The following TUBB8B variants were observed in gnomAD, a reference collection of about 807,000 sequenced individuals.
TUBB8B encodes the protein tubulin beta 8B.
A neutral mutation model predicts 31.9 loss-of-function variants in TUBB8B; 26 were observed. The ratio of observed to expected loss-of-function variants is 0.81; its 90% CI spans 0.60 to 1.13. The LOEUF is 1.13. Among genes scored for constraint, TUBB8B ranks in the 50% most tolerant of loss-of-function variants. The pLI is 0.00. For synonymous variants in TUBB8B, 173 were observed against 231.0 expected (o/e 0.75, Z 2.28); for missense variants, 467 against 586.7 (o/e 0.80, Z 2.11).
chr18:67,407 A>G, the TUBB8B span, among the ~76,000 whole-genome samples: 1 of 152,300 alleles, frequency 6.6e-6, no homozygotes, highest in African/African-American at 2.4e-5. Context: ...CAGTGCCACA[A>G]TCCTAGCTCT....
At chr18:50,009 A>G (rs1906010682), upstream of TUBB8B, 2 of 423,656 alleles carry the variant, frequency 4.7e-6, no homozygotes, top group Admixed American at 2.6e-5. Context: ...GGCCTTCCAT[A>G]TGTTAACTCA....
At chr18:73,528 C>T in the TUBB8B span, 1 of 152,878 alleles carries the variant, frequency 6.5e-6, no homozygotes, top group Non-Finnish European at 1.5e-5. Flanking sequence ...GCGCGCGCCG[C>T]CCTCCGGGTT....
At chr18:66,576 C>T in the TUBB8B span, among the ~76,000 whole-genome samples, 4 of 152,044 alleles carry the variant, frequency 2.6e-5, no homozygotes, top group Admixed American at 6.6e-5. Flanking sequence ...AAAGCAATTG[C>T]TCATAGAAAT....
chr18:61,390 T>C, the TUBB8B span, among the ~76,000 whole-genome samples: 1 of 151,632 alleles, frequency 6.6e-6, no homozygotes, highest in Non-Finnish European at 1.5e-5. Flanking sequence ...GTCTTGCTTC[T>C]CTATCCATTC....
chr18:71,500 T>C, the TUBB8B span, among the ~76,000 whole-genome samples: 13 of 141,400 alleles, frequency 9.2e-5, no homozygotes, highest in African/African-American at 3.5e-4. Context: ...CGAGCGAAGA[T>C]TGGGACATTG....
the TUBB8B span, among the ~76,000 whole-genome samples, chr18:67,899 G>A: frequency 6.6e-6 from 1 of 151,902 alleles, no homozygotes; most frequent in Admixed American, 6.6e-5. Context: ...AAGACTGATG[G>A]GACACCTGCA....
the TUBB8B span, among the ~76,000 whole-genome samples, chr18:60,263 G>A: frequency 6.6e-6 from 1 of 151,486 alleles, no homozygotes; most frequent in African/African-American, 2.4e-5. Flanking sequence ...CTAATTTGTT[G>A]GCATACAATT....
chr18:71,864 C>A, the TUBB8B span, among the ~76,000 whole-genome samples: 1 of 151,238 alleles, frequency 6.6e-6, no homozygotes, highest in African/African-American at 2.4e-5. Context: ...GCCTGGGCAA[C>A]AAAGTAAGAC....
the TUBB8B span, among the ~76,000 whole-genome samples, chr18:63,755 GCCCTAACCCTAA>G: frequency 9.2e-6 from 1 of 108,334 alleles, no homozygotes; most frequent in Admixed American, 1.0e-4. Context: ...CCTAACCCTA[GCCCTAACCCTAA>G]CCCTAGCCCT....
In TUBB8B at chr18:47,542, G is replaced by C. The variant is rs573450046; in HGVS notation, c.1183C>G (p.Leu395Val). The change falls in exon 4 of 4, where the codon CTC becomes GTC. Residue 395 changes from leucine to valine, a missense_variant. Physicochemically the swap from Leu to Val is conservative, Grantham distance 32 (BLOSUM62 1). This residue lies in a region of TUBB8B where 208 missense variants were observed against 206.7 expected (regional missense o/e 1.01). Transcript: ENST00000308911. ...FTAMFRRKAF[L>V]HWYTGEGMDE... ...ATGCCCTCGCCCGTGTACCAGTGGA[G>C]GAAGGCCTTGCGCCTGAACATTGCT... The C allele has an allele frequency of 4.3e-4, 687 of 1,609,984 alleles. 16 individuals carry two copies. Among genetic ancestry groups the C allele is most frequent in the South Asian group, 1.1e-3 (103 of 90,948 alleles).
At chr18:65,373 A>G in the TUBB8B span, among the ~76,000 whole-genome samples, 2 of 152,206 alleles carry the variant, frequency 1.3e-5, no homozygotes, top group African/African-American at 4.8e-5. Flanking sequence ...TGAGGATTAC[A>G]CAACATGATC....
the TUBB8B span, among the ~76,000 whole-genome samples, chr18:55,236 G>T: frequency 1.3e-5 from 2 of 151,700 alleles, no homozygotes; most frequent in Admixed American, 1.3e-4. Flanking sequence ...GAGTAGCCGG[G>T]ATTACAGGCA....
At position 47,589 on chromosome 18, in the gene TUBB8B, G is replaced by A. The variant is rs1441011826; in HGVS notation, c.1136C>T (p.Thr379Ile). ...TGCTGTAAACTGCTCTGAGACACAT[G>A]TGAAGAGTTCCTGGATGGCCGCATT... ...GNNAAIQELF[T>I]CVSEQFTAMF... Residue 379 changes from threonine to isoleucine, a missense_variant, in exon 4 of 4, where the codon ACA becomes ATA. Thr to Ile is a moderately conservative substitution (Grantham distance 89). Around this residue, in one of 2 missense-constraint regions of TUBB8B, gnomAD observed 208 missense variants for 206.7 expected, o/e 1.01. Transcript: ENST00000308911. 3 of 1,612,204 alleles carry A rather than the reference G, an allele frequency of 1.9e-6. No homozygotes were observed. Among genetic ancestry groups the A allele is most frequent in the Non-Finnish European group, 2.5e-6 (3 of 1,179,074 alleles).
chr18:49,618 C>T (rs190341532), upstream of TUBB8B: 5,574 of 751,192 alleles, frequency 7.4e-3, 127 homozygotes, highest in Non-Finnish European at 0.01. Context: ...CGCGCAGCGA[C>T]CCAGCCCGCC....
the TUBB8B span, among the ~76,000 whole-genome samples, chr18:60,225 GTCTAAGAATTAATTTCC>G: frequency 6.6e-6 from 1 of 151,678 alleles, no homozygotes; most frequent in Non-Finnish European, 1.5e-5. Flanking sequence ...AGTTGAGTGT[GTCTAAGAATTAATTTCC>G]TCTAGGTTTT....
the TUBB8B span, among the ~76,000 whole-genome samples, chr18:64,029 TAACCCTAACCCTTAACCCTAA>T: frequency 6.9e-6 from 1 of 144,934 alleles, no homozygotes; most frequent in Non-Finnish European, 1.5e-5. Flanking sequence ...CCCTAACCCT[TAACCCTAACCCTTAACCCTAA>T]AACCCTAACC....
the TUBB8B span, among the ~76,000 whole-genome samples, chr18:63,626 GCCCTAA>G: frequency 2.0e-5 from 3 of 150,860 alleles, no homozygotes; most frequent in African/African-American, 4.9e-5. Flanking sequence ...CCTAGCCCTA[GCCCTAA>G]CCCTAACCCC....
chr18:53,873 T>C (rs886671746), upstream of TUBB8B, among the ~76,000 whole-genome samples: 1 of 151,878 alleles, frequency 6.6e-6, no homozygotes, highest in African/African-American at 2.4e-5. Flanking sequence ...GGACAAACTC[T>C]AGAACACATG....
chr18:58,060 T>C, the TUBB8B span, among the ~76,000 whole-genome samples: 1 of 151,728 alleles, frequency 6.6e-6, no homozygotes, highest in Non-Finnish European at 1.5e-5. Flanking sequence ...TATTCTCTTC[T>C]TTTAGGCCTC....
Sources: allele counts gnomAD v4.1 joint callset (sites outside exome capture counted in the v4.1 genomes callset), GRCh38; gene constraint gnomAD v4.1.1; regional missense constraint gnomAD v4.1.1; transcripts MANE v1.5; gene names NCBI Gene and HGNC (gene_info 2026-07-23, HGNC 2026-07-21).